ERC1: variants seen among roughly 807,000 people sequenced by gnomAD.
ERC1 encodes the protein RAB6 interacting protein 2.
In ERC1, 56 loss-of-function variants were observed where a neutral mutation model predicts 132.0. The ratio of observed to expected loss-of-function variants is 0.42; its 90% confidence interval spans 0.34 to 0.53. The LOEUF is 0.53. ERC1 is among the 20% of genes least tolerant of loss of function. The pLI is 0.03. For missense variants in ERC1, 1,202 were observed against 1,349.9 expected (o/e 0.89, Z 1.72); for synonymous variants, 478 against 476.1 (o/e 1.00, Z -0.05).
chr12:1,006,805 G>A (rs1208670017), intron 1 of ERC1, among the ~76,000 whole-genome samples: 2 of 151,944 alleles, frequency 1.3e-5, no homozygotes, highest in Admixed American at 1.3e-4. Context: ...AACAATTCTT[G>A]TAAATAGTAT....
Position 1,025,857 on chromosome 12 carries a change from G to A in ERC1, c.-156-1891G>A, listed in dbSNP as rs536805258. 3.7e-3 allele frequency among the ~76,000 whole-genome samples: 546 copies of A among 147,956 alleles called. 2 individuals carry two copies. The highest frequency in any genetic ancestry group is 6.8e-3 in the South Asian group (32 of 4,704). ...CTTGTCACCCAGGCTGGAGTGCAGTGGCGCGATCTCGGCTCACTGCAATGT... is the reference window on the plus strand; with the variant it reads ...CTTGTCACCCAGGCTGGAGTGCAGTAGCGCGATCTCGGCTCACTGCAATGT... On this transcript the variant is annotated intron_variant, in intron 1 of 18. Transcript: ENST00000360905.
chr12:1,289,742 T>C (rs2079305616), intron 14 of ERC1, 110 bp from the exon 15 acceptor site: 11 of 743,182 alleles, frequency 1.5e-5, no homozygotes, highest in Non-Finnish European at 2.3e-5. Flanking sequence ...ATTTTCAATG[T>C]GTTCCTGCGT....
intron 12 of ERC1, among the ~76,000 whole-genome samples, chr12:1,208,784 T>G (rs1957572509): frequency 6.6e-6 from 1 of 151,980 alleles, no homozygotes. Flanking sequence ...AATTAAATTG[T>G]TTTTTTGTTT....
chr12:1,243,579 C>T (rs935408771), intron 13 of ERC1, among the ~76,000 whole-genome samples: 1 of 152,128 alleles, frequency 6.6e-6, no homozygotes, highest in African/African-American at 2.4e-5. Context: ...TTAATTTTTC[C>T]GGTAGGATTT....
chr12:1,073,141 A>T (rs1022526638), intron 2 of ERC1, among the ~76,000 whole-genome samples: 1 of 152,114 alleles, frequency 6.6e-6, no homozygotes, highest in Non-Finnish European at 1.5e-5. Context: ...CTCTACTAAA[A>T]ATACAAAAAT....
intron 7 of ERC1, among the ~76,000 whole-genome samples, chr12:1,125,484 A>C (rs1008961122): frequency 6.6e-6 from 1 of 152,150 alleles, no homozygotes; most frequent in Non-Finnish European, 1.5e-5. Context: ...AGTTTTCCTG[A>C]AGTTAATGTA....
At chr12:1,248,778 T>C (rs1031713887) in intron 13 of ERC1, among the ~76,000 whole-genome samples, 2 of 152,200 alleles carry the variant, frequency 1.3e-5, no homozygotes, top group Non-Finnish European at 2.9e-5. Flanking sequence ...CAGTTTTCTA[T>C]GCTAGAAACA....
At chr12:1,172,632 A>G (rs1265393624) in intron 8 of ERC1, among the ~76,000 whole-genome samples, 5 of 152,140 alleles carry the variant, frequency 3.3e-5, no homozygotes, top group African/African-American at 1.2e-4. Context: ...GATCACTACA[A>G]AATTTTGCTT....
intron 12 of ERC1, among the ~76,000 whole-genome samples, chr12:1,195,012 G>A (rs967388322): frequency 2.0e-5 from 3 of 151,992 alleles, no homozygotes; most frequent in African/African-American, 7.3e-5. Context: ...TGGGATAGTC[G>A]AGAAAGACCT....
chr12:1,010,407 G>A (rs1964481604), intron 1 of ERC1, among the ~76,000 whole-genome samples: 3 of 150,922 alleles, frequency 2.0e-5, no homozygotes, highest in Non-Finnish European at 4.4e-5. Context: ...CTTGAACCCG[G>A]GAGGAGAGGT....
intron 1 of ERC1, among the ~76,000 whole-genome samples, chr12:1,001,853 CTT>C (rs869097939): frequency 2.7e-5 from 3 of 109,128 alleles, no homozygotes; most frequent in African/African-American, 7.7e-5. Context: ...CTTGTAAAGT[CTT>C]TTTTTTTTTT....
intron 8 of ERC1, among the ~76,000 whole-genome samples, chr12:1,146,718 C>A (rs898035681): frequency 3.2e-4 from 48 of 151,504 alleles, no homozygotes; most frequent in Non-Finnish European, 6.0e-4. Flanking sequence ...TGGTGTGCTG[C>A]ACCCATTAAC....
At chr12:1,132,872 T>G (rs1489533956) in intron 7 of ERC1, among the ~76,000 whole-genome samples, 1 of 151,732 alleles carries the variant, frequency 6.6e-6, no homozygotes, top group African/African-American at 2.4e-5. Flanking sequence ...TTTTTTTAAT[T>G]GAGACGGAGT....
chr12:1,076,914 C>A (rs1941443948), intron 2 of ERC1, among the ~76,000 whole-genome samples: 2 of 152,168 alleles, frequency 1.3e-5, no homozygotes, highest in African/African-American at 4.8e-5. Flanking sequence ...GCAGATCAGT[C>A]TTAGAAGTGC....
chr12:1,423,679 A>G (rs188912425), intron 17 of ERC1, among the ~76,000 whole-genome samples: 4 of 152,304 alleles, frequency 2.6e-5, no homozygotes, highest in Admixed American at 2.6e-4. Context: ...GAAGCATTCA[A>G]ATCTCCAACA....
chr12:1,112,453 C>T, intron 6 of ERC1, 155 bp downstream of exon 6: 1 of 544,086 alleles, frequency 1.8e-6, no homozygotes. Context: ...CTTTAACTGA[C>T]TCCTGTTCAC....
chr12:1,356,193 G>A (rs1442459132), intron 15 of ERC1, among the ~76,000 whole-genome samples: 1 of 126,770 alleles, frequency 7.9e-6, no homozygotes, highest in Non-Finnish European at 1.5e-5. Flanking sequence ...GACAAAGTGA[G>A]ACTGTCAAAA....
At chr12:1,143,519 G>A (rs1468465816) in intron 8 of ERC1, among the ~76,000 whole-genome samples, 1 of 149,528 alleles carries the variant, frequency 6.7e-6, no homozygotes, top group African/African-American at 2.4e-5. Context: ...AAATTTTTGT[G>A]TTTTTGTGAT....
rs776086251 is a variant in ERC1 at position 1,042,338 on chromosome 12, GT to G, written c.669+13784del. Among the ~76,000 whole-genome samples, 394 of 120,966 alleles carry G rather than the reference GT, an allele frequency of 3.3e-3. 1 individual carries two copies. Among genetic ancestry groups the G allele is most frequent in the African/African-American group, 0.011 (362 of 32,458 alleles). The allele number at this position is 120,966 out of a possible 152,430, so 79.4% of individuals were successfully genotyped here. On this transcript the variant is annotated intron_variant, in intron 2 of 18. Transcript: ENST00000360905. ...AGATGTGAGCCATTGCGCCCGGCCT[GT>G]TTTTTTTTTTTTTTTTTCTTTTTTT...
Sources: allele counts gnomAD v4.1 joint callset (sites outside exome capture counted in the v4.1 genomes callset), GRCh38; gene constraint gnomAD v4.1.1; transcripts MANE v1.5; gene names NCBI Gene and HGNC (gene_info 2026-07-23, HGNC 2026-07-21).